PMFBP1: variants seen among roughly 807,000 people sequenced by gnomAD.
The protein encoded by PMFBP1 is polyamine-modulated factor 1-binding protein 1.
In PMFBP1, 131 loss-of-function variants were observed where a neutral mutation model predicts 137.8. That is an observed-to-expected ratio of 0.95 (90% CI 0.82 to 1.10). The LOEUF (loss-of-function observed/expected upper bound fraction) is 1.10. Among genes scored for constraint, PMFBP1 ranks in the 50% least tolerant of loss-of-function variants. The pLI is 0.00. For synonymous variants in PMFBP1, 490 were observed against 450.4 expected (o/e 1.09, Z -1.11); for missense variants, 1,199 against 1,175.4 (o/e 1.02, Z -0.29).
chr16:72,241,495 A>T, the PMFBP1 span, among the ~76,000 whole-genome samples: 2 of 152,224 alleles, frequency 1.3e-5, no homozygotes, highest in African/African-American at 4.8e-5. Flanking sequence ...ACCTTAGAGA[A>T]GACACTGACT....
chr16:72,154,205 C>G lies in PMFBP1; in HGVS notation c.414+6G>C. ...TGGGTTATTTCCATGGTTAATCTGT[C>G]TATACCTCATCTTCTTTCAGTTTGC... On this transcript the variant is annotated splice_donor_region_variant and intron_variant, in intron 4 of 20. Coordinates refer to ENST00000237353, the MANE Select transcript of PMFBP1 (RefSeq NM_031293.3). 3.1e-6 allele frequency: 5 copies of G among 1,613,822 alleles called. No individual in the cohort carries two copies. Among genetic ancestry groups the G allele is most frequent in the Non-Finnish European group, 4.2e-6 (5 of 1,179,928 alleles).
At chr16:72,207,743 C>T in the PMFBP1 span, among the ~76,000 whole-genome samples, 14 of 97,878 alleles carry the variant, frequency 1.4e-4, no homozygotes, top group Non-Finnish European at 2.0e-4. Context: ...TGTGTGTGTG[C>T]ATATTGATAT....
At chr16:72,150,155 C>T (rs577046796) in intron 5 of PMFBP1, among the ~76,000 whole-genome samples, 11 of 152,160 alleles carry the variant, frequency 7.2e-5, no homozygotes, top group Non-Finnish European at 1.0e-4. Flanking sequence ...TTGCATGAGT[C>T]CTGTGGCCTA....
At chr16:72,143,273 G>A (rs1428129356) in intron 5 of PMFBP1, among the ~76,000 whole-genome samples, 2 of 152,168 alleles carry the variant, frequency 1.3e-5, no homozygotes, top group African/African-American at 4.8e-5. Context: ...AAGGCAAAGA[G>A]GCTACAATTC....
At chr16:72,153,893 TG>T (rs1489147502) in intron 4 of PMFBP1, among the ~76,000 whole-genome samples, 1 of 146,934 alleles carries the variant, frequency 6.8e-6, no homozygotes, top group East Asian at 2.0e-4. Context: ...TACATTGCAA[TG>T]GTAATAGAAT....
At chr16:72,239,376 A>G in the PMFBP1 span, among the ~76,000 whole-genome samples, 1 of 152,216 alleles carries the variant, frequency 6.6e-6, no homozygotes, top group Non-Finnish European at 1.5e-5. Flanking sequence ...GGCTTTTTAC[A>G]TGATACATAA....
At chr16:72,193,413 T>G in the PMFBP1 span, among the ~76,000 whole-genome samples, 4 of 151,946 alleles carry the variant, frequency 2.6e-5, no homozygotes, top group East Asian at 1.9e-4. Context: ...ATAAATAAAT[T>G]TATATGTATG....
intron 2 of PMFBP1, among the ~76,000 whole-genome samples, chr16:72,165,414 C>A (rs1170770575): frequency 6.6e-6 from 1 of 151,066 alleles, no homozygotes; most frequent in Non-Finnish European, 1.5e-5. Context: ...TCTTTTCTTT[C>A]TTTCTTTTTT....
the PMFBP1 span, among the ~76,000 whole-genome samples, chr16:72,245,914 T>A: frequency 6.6e-6 from 1 of 152,184 alleles, no homozygotes; most frequent in Admixed American, 6.5e-5. Context: ...TGCTTGACCA[T>A]CTTTTGTTAG....
chr16:72,164,825 C>T lies in PMFBP1; in HGVS notation c.104G>A (p.Arg35Lys). 3 of 1,610,398 alleles carry T rather than the reference C, an allele frequency of 1.9e-6. No individual in the cohort carries two copies. The highest frequency in any genetic ancestry group is 2.5e-6 in the Non-Finnish European group (3 of 1,176,858). ...ATTGTCCTGCAAGGTCTTCCTCTGT[C>T]TCTTGCAGACATCGTGCAGATTCTT... ...DIKNLHDVCKRQRKTLQDNQL... is the reference protein window; with the variant it reads ...DIKNLHDVCKKQRKTLQDNQL... The change falls in exon 3 of 21, where the codon AGA becomes AAA. Residue 35 changes from arginine (R) to lysine (K), a missense_variant. Physicochemically the swap from Arg to Lys is conservative, Grantham distance 26. Coordinates refer to ENST00000237353, the MANE Select transcript of PMFBP1 (RefSeq NM_031293.3).
the PMFBP1 span, among the ~76,000 whole-genome samples, chr16:72,246,954 A>G: frequency 6.6e-6 from 1 of 152,066 alleles, no homozygotes. Context: ...ATACCCTCCT[A>G]CTGTTCAGGA....
upstream of PMFBP1, among the ~76,000 whole-genome samples, chr16:72,174,492 C>A (rs1486907929): frequency 6.6e-6 from 1 of 152,208 alleles, no homozygotes; most frequent in Non-Finnish European, 1.5e-5. Flanking sequence ...TCATGGGCAT[C>A]TCTCCTAGCT....
chr16:72,152,007 C>T (rs1413175532), intron 4 of PMFBP1, among the ~76,000 whole-genome samples: 1 of 152,158 alleles, frequency 6.6e-6, no homozygotes, highest in Non-Finnish European at 1.5e-5. Flanking sequence ...TACACTATCT[C>T]CCAGAGTTCC....
At chr16:72,186,531 C>A in the PMFBP1 span, among the ~76,000 whole-genome samples, 15 of 152,088 alleles carry the variant, frequency 9.9e-5, no homozygotes, top group South Asian at 2.7e-3. Flanking sequence ...TATCTAGAGG[C>A]AACAGGGAGC....
the PMFBP1 span, among the ~76,000 whole-genome samples, chr16:72,246,743 G>A: frequency 2.0e-5 from 3 of 152,050 alleles, no homozygotes; most frequent in East Asian, 3.9e-4. Flanking sequence ...TTCTTAACGA[G>A]GAAGCTTATT....
At chr16:72,216,138 T>A in the PMFBP1 span, among the ~76,000 whole-genome samples, 13 of 152,266 alleles carry the variant, frequency 8.5e-5, no homozygotes, top group African/African-American at 2.6e-4. Flanking sequence ...CTTTCTTTGC[T>A]TGTTGGTCAG....
chr16:72,125,846 CA>C (rs1239419145), intron 15 of PMFBP1, 121 bp downstream of exon 15: 3 of 1,262,970 alleles, frequency 2.4e-6, no homozygotes, highest in Non-Finnish European at 1.1e-6. Context: ...CCAGCCCACA[CA>C]AGGGTTTGAG....
At chr16:72,191,894 A>G in the PMFBP1 span, among the ~76,000 whole-genome samples, 3 of 152,352 alleles carry the variant, frequency 2.0e-5, no homozygotes, top group East Asian at 3.9e-4. Flanking sequence ...ATACTGGAAA[A>G]TGAAATTTGC....
upstream of PMFBP1, among the ~76,000 whole-genome samples, chr16:72,175,731 T>C (rs1201926349): frequency 6.6e-6 from 1 of 152,202 alleles, no homozygotes; most frequent in Admixed American, 6.5e-5. Context: ...TTCCTTTACT[T>C]ATGTTGGGCT....
Sources: gnomAD v4.1 joint callset for allele counts (sites outside exome capture counted in the v4.1 genomes callset) on GRCh38, gnomAD v4.1.1 for gene constraint, MANE v1.5 for transcripts, NCBI Gene and HGNC (gene_info 2026-07-23, HGNC 2026-07-21) for gene names.